The following SLC48A1 variants were observed in gnomAD, a reference collection of about 807,000 sequenced individuals.
SLC48A1 encodes heme transporter HRG1.
Under a neutral mutation model 14.8 loss-of-function variants are expected in SLC48A1, and 6 were observed. That is an observed-to-expected ratio of 0.41 (90% CI 0.22 to 0.80). The LOEUF is 0.80. Among genes scored for constraint, SLC48A1 ranks in the 30% least tolerant of loss-of-function variants. The pLI is 0.34. For synonymous variants in SLC48A1, 89 were observed against 90.0 expected (o/e 0.99, Z 0.06); for missense variants, 165 against 204.8 (o/e 0.81, Z 1.19).
upstream of SLC48A1, among the ~76,000 whole-genome samples, chr12:47,770,321 T>G (rs1000127889): frequency 6.6e-6 from 1 of 152,234 alleles, no homozygotes; most frequent in Non-Finnish European, 1.5e-5. Flanking sequence ...ATTTTTGCTC[T>G]CCTCCTTCTG....
In SLC48A1 at chr12:47,773,460, G is replaced by A. The variant is rs1461688455; in HGVS notation, c.136+20G>A. The A allele has an allele frequency of 3.0e-6, 4 of 1,319,488 alleles. No homozygotes were observed. Among genetic ancestry groups the A allele is most frequent in the Non-Finnish European group, 3.9e-6 (4 of 1,028,058 alleles). The allele number at this position is 1,319,488 out of a possible 1,614,324, so 81.7% of individuals were successfully genotyped here. ...TCGCAGGTACCCCGGGACGCTGGGC[G>A]GCGCGGGGCGGGTGCGCGGCTGCGG... On this transcript the variant is annotated intron_variant, in intron 1 of 2. Transcript: ENST00000442218.
At chr12:47,759,046 A>G in intron 1 of SLC48A1, 1 of 987,306 alleles carries the variant, frequency 1.0e-6, no homozygotes. Flanking sequence ...ACCCGGGGGT[A>G]CCAGAGTGGA....
Position 47,777,642 on chromosome 12 carries a change from C to A in SLC48A1, c.137-1386C>A, listed in dbSNP as rs1311835373. The stretch of plus-strand genomic sequence containing the variant: ...TAACCAGAGCATAGCTCCACAGTGA[C>A]AAGCTTCCTCCTGCCTTTTTCCCCC... On this transcript the variant is annotated intron_variant, in intron 1 of 2. Transcript: ENST00000442218. The surrounding 1 kb of genome is among the most constrained non-coding windows in gnomAD (Gnocchi z 4.5). Among the ~76,000 whole-genome samples the A allele has an allele frequency of 6.6e-6, 1 of 152,218 alleles. No individual in the cohort carries two copies. Among genetic ancestry groups the A allele is most frequent in the African/African-American group, 2.4e-5 (1 of 41,444 alleles).
At chr12:47,772,931 T>C (rs1024554389), upstream of SLC48A1, among the ~76,000 whole-genome samples, 3 of 152,166 alleles carry the variant, frequency 2.0e-5, no homozygotes, top group Non-Finnish European at 4.4e-5. Context: ...TAAACGAAAA[T>C]ACGCATCGTA....
rs1942387586 is a variant in SLC48A1, at chr12:47,761,833, A to G, written c.-187+1432A>G. 3.3e-5 allele frequency among the ~76,000 whole-genome samples: 5 copies of G among 152,320 alleles called. No individual in the cohort carries two copies. The South Asian group carries it at 1.0e-3, about 32-fold the overall frequency. ...ATATATTCACTGACTGAATTGTCAC[A>G]ACAACCCTATGAGATAAGGTTGTTA... On this transcript the variant is annotated intron_variant, in intron 2 of 4. Transcript: ENST00000547002.
Position 47,778,865 on chromosome 12 carries a change from C to T in SLC48A1, c.137-163C>T. 3 of 762,218 alleles carry T rather than the reference C, an allele frequency of 3.9e-6. No homozygotes were observed. In the South Asian group the frequency reaches 6.7e-5, roughly 17 times the overall value. 47.2% of individuals were successfully genotyped at this position (762,218 alleles called of 1,614,324 possible). ...TACTAGCAGGCAGCTCAGTCTCTTA[C>T]CTGCTTCTGATATCACAGCCTCCGA... On this transcript the variant is annotated intron_variant, in intron 1 of 2. Transcript: ENST00000442218.
upstream of SLC48A1, among the ~76,000 whole-genome samples, chr12:47,767,369 C>T (rs1942538832): frequency 6.6e-6 from 1 of 152,192 alleles, no homozygotes; most frequent in East Asian, 1.9e-4. Context: ...GGACATTCAG[C>T]CCTTTTCATA....
At chr12:47,773,809 A>AACACAC (rs34356737) in intron 1 of SLC48A1, among the ~76,000 whole-genome samples, 8 of 150,632 alleles carry the variant, frequency 5.3e-5, no homozygotes, top group Non-Finnish European at 1.2e-4. Context: ...CCTATCCCCA[A>AACACAC]ACACACACAC....
chr12:47,764,135 G>A (rs1229354593), intron 2 of SLC48A1, among the ~76,000 whole-genome samples: 1 of 152,102 alleles, frequency 6.6e-6, no homozygotes, highest in African/African-American at 2.4e-5. Flanking sequence ...TGCTTCTCAA[G>A]GAGAGAGAGA....
At chr12:47,779,382 C>A (rs1371424571) in intron 2 of SLC48A1, among the ~76,000 whole-genome samples, 187 bp downstream of exon 2, 1 of 152,226 alleles carries the variant, frequency 6.6e-6, no homozygotes, top group East Asian at 1.9e-4. Flanking sequence ...TGGGTGGATT[C>A]TATGAAACTG....
chr12:47,757,967 G>C, upstream of SLC48A1: 1 of 1,563,464 alleles, frequency 6.4e-7, no homozygotes, highest in Non-Finnish European at 8.7e-7. Context: ...ATGTTGAGTA[G>C]TGTCCCCTCC....
chr12:47,781,935 C>T lies in SLC48A1; in HGVS notation c.*1654C>T, dbSNP rs1942890921. 6.6e-6 allele frequency: 1 copy of T among 152,518 alleles called. No homozygotes were observed. The highest frequency in any genetic ancestry group is 1.5e-5 in the Non-Finnish European group (1 of 68,254). The allele number at this position is 152,518 out of a possible 1,614,324, so 9.4% of individuals were successfully genotyped here. ...TCTCTCTAGCACACCCCAGCCAGGG[C>T]AAGGATGCCCACGGGCATAGCTACA... On this transcript the variant is annotated 3_prime_UTR_variant, in exon 3 of 3. Transcript: ENST00000442218.
upstream of SLC48A1, among the ~76,000 whole-genome samples, chr12:47,754,455 G>A (rs1264138385): frequency 6.6e-6 from 1 of 152,234 alleles, no homozygotes; most frequent in African/African-American, 2.4e-5. Flanking sequence ...GGTCAAGTGT[G>A]TAGGCTCTGC....
chr12:47,778,885 C>T lies in SLC48A1; in HGVS notation c.137-143C>T, dbSNP rs902168638. 1.4e-5 allele frequency: 14 copies of T among 974,580 alleles called. No homozygotes were observed. The African/African-American group carries it at 2.2e-4, about 15-fold the overall frequency. 60.4% of individuals were successfully genotyped at this position (974,580 alleles called of 1,614,324 possible). A position where few individuals can be genotyped will look rare whatever the true frequency, so the allele number is the denominator to read the frequency against. On this transcript the variant is annotated intron_variant, in intron 1 of 2. Transcript: ENST00000442218. The stretch of plus-strand genomic sequence containing the variant: ...TCTTACCTGCTTCTGATATCACAGC[C>T]TCCGAAAAGGAAAACTCCATTCTAT...
chr12:47,758,773 G>T, intron 1 of SLC48A1: 1 of 1,226,932 alleles, frequency 8.2e-7, no homozygotes, highest in Non-Finnish European at 1.0e-6. Context: ...GGGTGGGGGC[G>T]TGGTGGGGGG....
intron 2 of SLC48A1, among the ~76,000 whole-genome samples, chr12:47,779,524 G>A (rs545146200): frequency 8.5e-5 from 13 of 152,304 alleles, no homozygotes; most frequent in African/African-American, 1.4e-4. Context: ...TCCTTCTTCC[G>A]GGAGTCTGAT....
At chr12:47,767,568 G>A (rs1399927878), upstream of SLC48A1, among the ~76,000 whole-genome samples, 1 of 152,186 alleles carries the variant, frequency 6.6e-6, no homozygotes, top group Non-Finnish European at 1.5e-5. Context: ...GGACGAGTCA[G>A]TTACCCTGCC....
upstream of SLC48A1, among the ~76,000 whole-genome samples, chr12:47,766,624 C>T (rs147189888): frequency 6.1e-3 from 927 of 152,222 alleles, 8 homozygotes; most frequent in African/African-American, 0.021. Context: ...GCTGCTCTCC[C>T]CAGGCAGCTG....
intron 1 of SLC48A1, chr12:47,758,771 G>T: frequency 8.1e-7 from 1 of 1,240,456 alleles, no homozygotes; most frequent in Non-Finnish European, 1.0e-6. Flanking sequence ...AGGGGTGGGG[G>T]CGTGGTGGGG....
Sources: allele counts gnomAD v4.1 joint callset (sites outside exome capture counted in the v4.1 genomes callset), GRCh38; gene constraint gnomAD v4.1.1; non-coding constraint Gnocchi (gnomAD v3.1); transcripts MANE v1.5; gene names NCBI Gene and HGNC (gene_info 2026-07-23, HGNC 2026-07-21).